The following FILIP1L variants were observed in gnomAD, a reference collection of about 807,000 sequenced individuals.
FILIP1L encodes filamin A-interacting protein 1-like.
Under a neutral mutation model 96.6 loss-of-function variants are expected in FILIP1L, and 55 were observed. The ratio of observed to expected loss-of-function variants is 0.57; its 90% CI spans 0.46 to 0.71. The LOEUF is 0.71. Among genes scored for constraint, FILIP1L ranks in the 30% least tolerant of loss-of-function variants. The pLI is 0.00. For synonymous variants in FILIP1L, 467 were observed against 473.9 expected (o/e 0.99, Z 0.19); for missense variants, 1,304 against 1,321.2 (o/e 0.99, Z 0.20).
At position 99,919,783 on chromosome 3, in the gene FILIP1L, A is replaced by G. The variant is rs186761298; in HGVS notation, c.605+4447T>C. ...ACTTGTTTATAAAGTTGTTTCAGCC[A>G]AAGGGAGAGGTGGAAGTGCTTTGTT... On this transcript the variant is annotated intron_variant, in intron 4 of 5. Coordinates refer to ENST00000477258, the MANE Select transcript of FILIP1L (RefSeq NM_001387850.1). 1.1e-3 allele frequency among the ~76,000 whole-genome samples: 175 copies of G among 152,310 alleles called. 2 individuals carry two copies. The highest frequency in any genetic ancestry group is 3.9e-3 in the South Asian group (19 of 4,820).
At chr3:99,871,405 A>G (rs1308079071) in intron 4 of FILIP1L, among the ~76,000 whole-genome samples, 1 of 152,186 alleles carries the variant, frequency 6.6e-6, no homozygotes, top group African/African-American at 2.4e-5. Flanking sequence ...TACTAATTGT[A>G]CCTCGGTACT....
intron 1 of FILIP1L, among the ~76,000 whole-genome samples, chr3:100,052,677 C>T (rs2065394137): frequency 6.6e-6 from 1 of 152,114 alleles, no homozygotes; most frequent in Non-Finnish European, 1.5e-5. Context: ...ATGTTTCTTT[C>T]TATAACCACA....
At position 99,828,899 on chromosome 3, in the gene FILIP1L, T is replaced by C. The variant is rs775572335; in HGVS notation, c.*1515A>G. Among the ~76,000 whole-genome samples the C allele has an allele frequency of 5.9e-5, 9 of 151,852 alleles. No individual in the cohort carries two copies. Among genetic ancestry groups the C allele is most frequent in the Non-Finnish European group, 1.3e-4 (9 of 67,950 alleles). On this transcript the variant is annotated 3_prime_UTR_variant, in exon 6 of 6. Coordinates refer to ENST00000477258, the MANE Select transcript of FILIP1L (RefSeq NM_001387850.1). ...TGCCTGCTGGGACTGCTGCCCATCATCCCTCTCAATGCTGCCTATCATCCC... is the reference window on the plus strand; with the variant it reads ...TGCCTGCTGGGACTGCTGCCCATCACCCCTCTCAATGCTGCCTATCATCCC...
intron 1 of FILIP1L, among the ~76,000 whole-genome samples, chr3:99,989,736 C>G (rs1435937144): frequency 1.4e-5 from 2 of 148,074 alleles, no homozygotes; most frequent in Non-Finnish European, 3.0e-5. Flanking sequence ...GTAAGGTAAT[C>G]CTATTTAGTA....
chr3:99,848,235 G>C, intron 5 of FILIP1L, 60 bp downstream of exon 5: 1 of 1,589,168 alleles, frequency 6.3e-7, no homozygotes, highest in Non-Finnish European at 8.6e-7. Flanking sequence ...TGAGTTCCTT[G>C]CAAAAATATC....
intron 4 of FILIP1L, among the ~76,000 whole-genome samples, chr3:99,878,807 C>A (rs1032193161): frequency 6.6e-6 from 1 of 152,212 alleles, no homozygotes; most frequent in South Asian, 2.1e-4. Flanking sequence ...ATTGCAAACT[C>A]CAACCAGCTG....
At chr3:100,098,010 A>G (rs182241129) in intron 1 of FILIP1L, among the ~76,000 whole-genome samples, 1 of 152,340 alleles carries the variant, frequency 6.6e-6, no homozygotes, top group African/African-American at 2.4e-5. Flanking sequence ...AGGCATAGTA[A>G]TGGTACGTGC....
At chr3:99,996,159 A>G (rs1709673826) in intron 1 of FILIP1L, among the ~76,000 whole-genome samples, 1 of 152,098 alleles carries the variant, frequency 6.6e-6, no homozygotes, top group Non-Finnish European at 1.5e-5. Context: ...TCACCTCTTG[A>G]ATGCTTTGCT....
intron 4 of FILIP1L, among the ~76,000 whole-genome samples, chr3:99,904,369 A>G (rs1706542691): frequency 6.6e-6 from 1 of 152,250 alleles, no homozygotes; most frequent in Non-Finnish European, 1.5e-5. Context: ...TTTCAGTAGT[A>G]GAATCTGCCT....
chr3:100,056,535 T>C (rs907143569), intron 1 of FILIP1L, among the ~76,000 whole-genome samples: 1 of 152,190 alleles, frequency 6.6e-6, no homozygotes, highest in African/African-American at 2.4e-5. Context: ...CATTTTAGCC[T>C]CCAGGTCAGA....
At chr3:99,892,066 G>C (rs1002726702) in intron 4 of FILIP1L, among the ~76,000 whole-genome samples, 2 of 152,172 alleles carry the variant, frequency 1.3e-5, no homozygotes, top group African/African-American at 4.8e-5. Flanking sequence ...AAAGAGGGAT[G>C]GTCTAAGAGC....
At chr3:99,924,742 G>A (rs1302183342) in intron 3 of FILIP1L, among the ~76,000 whole-genome samples, 1 of 152,056 alleles carries the variant, frequency 6.6e-6, no homozygotes, top group Non-Finnish European at 1.5e-5. Flanking sequence ...GGCTGGTCTT[G>A]AACTCCTGAC....
intron 4 of FILIP1L, among the ~76,000 whole-genome samples, chr3:99,900,844 TG>T (rs1256193511): frequency 1.9e-4 from 29 of 152,350 alleles, no homozygotes; most frequent in Admixed American, 1.6e-3. Context: ...AAAGCTTCTC[TG>T]GTGATTCTTA....
chr3:100,096,606 G>A (rs1352111322), intron 1 of FILIP1L, among the ~76,000 whole-genome samples: 1 of 151,768 alleles, frequency 6.6e-6, no homozygotes, highest in East Asian at 1.9e-4. Context: ...ATGGTTACCA[G>A]AGTCTGGGAA....
chr3:100,043,683 A>G lies in FILIP1L; in HGVS notation c.-11+70370T>C, dbSNP rs142936150. On this transcript the variant is annotated intron_variant, in intron 1 of 5. Coordinates refer to ENST00000477258, the MANE Select transcript of FILIP1L (RefSeq NM_001387850.1). The stretch of plus-strand genomic sequence containing the variant: ...TTTATTTTTTAAAACTTTTTTTACA[A>G]AATGACAAAAAATTGTGTATATTTA... 2.4e-3 allele frequency among the ~76,000 whole-genome samples: 370 copies of G among 152,334 alleles called. 1 individual carries two copies. Among genetic ancestry groups the G allele is most frequent in the African/African-American group, 8.4e-3 (348 of 41,572 alleles).
intron 4 of FILIP1L, among the ~76,000 whole-genome samples, chr3:99,882,050 A>G (rs1705747425): frequency 6.6e-6 from 1 of 152,160 alleles, no homozygotes; most frequent in Non-Finnish European, 1.5e-5. Flanking sequence ...AATTGGATTT[A>G]TATGTTTTCT....
At chr3:99,968,055 C>T (rs1276524633) in intron 1 of FILIP1L, among the ~76,000 whole-genome samples, 1 of 152,150 alleles carries the variant, frequency 6.6e-6, no homozygotes, top group African/African-American at 2.4e-5. Context: ...CCTTAGGGAT[C>T]CTTGGGGAAA....
At chr3:99,892,814 C>G (rs1045797918) in intron 4 of FILIP1L, among the ~76,000 whole-genome samples, 1 of 152,212 alleles carries the variant, frequency 6.6e-6, no homozygotes, top group African/African-American at 2.4e-5. Context: ...ATAAATCAAT[C>G]AGATTTTATC....
chr3:99,853,210 G>A (rs1943791667), intron 4 of FILIP1L, among the ~76,000 whole-genome samples: 1 of 152,162 alleles, frequency 6.6e-6, no homozygotes, highest in South Asian at 2.1e-4. Flanking sequence ...AAAAAACTTT[G>A]GCAAAGTGCT....
Sources: gnomAD v4.1 joint callset for allele counts (sites outside exome capture counted in the v4.1 genomes callset) on GRCh38, gnomAD v4.1.1 for gene constraint, MANE v1.5 for transcripts, NCBI Gene and HGNC (gene_info 2026-07-23, HGNC 2026-07-21) for gene names.